Variants in MYO1H observed in about 807,000 individuals in gnomAD.
MYO1H encodes myosin IH, also known as unconventional myosin-Ih.
In MYO1H, 118 loss-of-function variants were observed where a neutral mutation model predicts 149.3. That is an observed-to-expected ratio of 0.79 (90% CI 0.68 to 0.92). The LOEUF (loss-of-function observed/expected upper bound fraction) is 0.92. Among genes scored for constraint, MYO1H ranks in the 40% least tolerant of loss-of-function variants. The probability of loss-of-function intolerance (pLI) is 0.00; values close to 1 mark genes in which losing one functional copy is unlikely to be tolerated. For synonymous variants in MYO1H, 447 were observed against 465.2 expected (o/e 0.96, Z 0.50); for missense variants, 1,212 against 1,280.7 (o/e 0.95, Z 0.82).
chr12:109,383,030 C>T lies in MYO1H; in HGVS notation c.13-5653C>T, dbSNP rs190431187. 1.6e-3 allele frequency among the ~76,000 whole-genome samples: 241 copies of T among 152,016 alleles called. 2 individuals carry two copies. The highest frequency in any genetic ancestry group is 5.5e-3 in the African/African-American group (227 of 41,502). On this transcript the variant is annotated intron_variant, in intron 1 of 31. Coordinates refer to ENST00000310903, the Ensembl canonical transcript of MYO1H. ...TGATGGTGCTTGGGCAATAAAGGCTCGGGGGCTATGCAGTGGTTTGCAAAC... is the reference window on the plus strand; with the variant it reads ...TGATGGTGCTTGGGCAATAAAGGCTTGGGGGCTATGCAGTGGTTTGCAAAC...
chr12:109,394,962 G>GT (rs1413803055), intron 3 of MYO1H, among the ~76,000 whole-genome samples: 7 of 152,212 alleles, frequency 4.6e-5, no homozygotes, highest in Non-Finnish European at 8.8e-5. Context: ...GGGTCTCAGT[G>GT]TGTTGCCCAT....
Position 109,443,667 on chromosome 12 carries a change from T to C in MYO1H, c.2824+18T>C, listed in dbSNP as rs746730327. 3 of 1,613,046 alleles carry C rather than the reference T, an allele frequency of 1.9e-6. No homozygotes were observed. In the East Asian group the frequency reaches 6.7e-5, roughly 36 times the overall value. On this transcript the variant is annotated intron_variant, in intron 28 of 31. Coordinates refer to ENST00000310903, the Ensembl canonical transcript of MYO1H. ...TCTCAAAGGTAAGAAGTGGGCAATC[T>C]TTAAAACAATGCACTGAGTTGACTC...
chr12:109,448,187 T>A (rs1242465557), exon 32 of MYO1H: 2 of 152,384 alleles, frequency 1.3e-5, no homozygotes, highest in Non-Finnish European at 2.9e-5. Context: ...GATGTTTTTG[T>A]GCCCAGCAAC....
At chr12:109,358,833 C>A (rs1592778758) in intron 1 of MYO1H, among the ~76,000 whole-genome samples, 6 of 88,150 alleles carry the variant, frequency 6.8e-5, no homozygotes, top group Admixed American at 1.5e-4. Context: ...CTGGGGGAAG[C>A]ATCCTGTGGT....
chr12:109,379,326 T>A (rs1482535589), intron 1 of MYO1H, among the ~76,000 whole-genome samples: 2 of 152,248 alleles, frequency 1.3e-5, no homozygotes, highest in African/African-American at 4.8e-5. Flanking sequence ...TGTCCATTTT[T>A]AAAAAGTTCT....
At chr12:109,418,606 T>C (rs2135570146) in intron 15 of MYO1H, among the ~76,000 whole-genome samples, 1 of 152,238 alleles carries the variant, frequency 6.6e-6, no homozygotes, top group Admixed American at 6.5e-5. Flanking sequence ...TGGAGTGCAG[T>C]GGCAAGATCT....
intron 19 of MYO1H, among the ~76,000 whole-genome samples, chr12:109,429,054 A>C (rs994408901): frequency 6.6e-6 from 1 of 152,226 alleles, no homozygotes; most frequent in Non-Finnish European, 1.5e-5. Context: ...TAAAAACACA[A>C]AAATCAGCCA....
At chr12:109,440,959 A>G in intron 25 of MYO1H, 132 bp downstream of exon 25, 1 of 685,884 alleles carries the variant, frequency 1.5e-6, no homozygotes, top group South Asian at 1.8e-5. Context: ...GAAATGTTCA[A>G]GATAATTGCA....
chr12:109,432,036 C>G (rs1307458108), intron 19 of MYO1H, among the ~76,000 whole-genome samples: 1 of 116,290 alleles, frequency 8.6e-6, no homozygotes, highest in Non-Finnish European at 1.6e-5. Flanking sequence ...GAGTCTTGCT[C>G]TGTCGCCCAG....
intron 1 of MYO1H, chr12:109,359,453 T>C (rs1318204325): frequency 1.3e-5 from 2 of 152,152 alleles, no homozygotes; most frequent in Non-Finnish European, 2.9e-5. Context: ...AGTGTCAAAG[T>C]AGGCAGGGGG....
intron 19 of MYO1H, among the ~76,000 whole-genome samples, chr12:109,429,471 T>C (rs1404763734): frequency 6.6e-6 from 1 of 152,164 alleles, no homozygotes; most frequent in Non-Finnish European, 1.5e-5. Context: ...TAAAAAGCAA[T>C]ATAGTCTAAT....
intron 1 of MYO1H, among the ~76,000 whole-genome samples, chr12:109,370,021 T>A (rs1192080605): frequency 6.6e-6 from 1 of 152,112 alleles, no homozygotes; most frequent in African/African-American, 2.4e-5. Flanking sequence ...GTGAGACTTG[T>A]TCACTGTCAT....
intron 27 of MYO1H, among the ~76,000 whole-genome samples, chr12:109,443,042 G>GTGTATACACATA (rs1555255538): frequency 2.2e-5 from 2 of 91,974 alleles, no homozygotes; most frequent in African/African-American, 1.1e-4. Context: ...GTGTGTGTGT[G>GTGTATACACATA]TGTGTATATA....
chr12:109,358,014 A>G (rs939477903), intron 1 of MYO1H, among the ~76,000 whole-genome samples: 3 of 150,488 alleles, frequency 2.0e-5, no homozygotes, highest in African/African-American at 7.4e-5. Context: ...CATGCAGAGC[A>G]GCAAAACTGT....
At chr12:109,409,209 TCTTCTC>T (rs1391247400) in intron 10 of MYO1H, among the ~76,000 whole-genome samples, 3 of 133,924 alleles carry the variant, frequency 2.2e-5, no homozygotes, top group South Asian at 4.6e-4. Flanking sequence ...TTCTCCTTCT[TCTTCTC>T]CTTCTTCTTT....
chr12:109,446,354 AAT>A, intron 31 of MYO1H: 1 of 985,434 alleles, frequency 1.0e-6, no homozygotes, highest in African/African-American at 1.7e-5. Flanking sequence ...GAGGGAGCTG[AAT>A]CTTTAAAATG....
At chr12:109,337,088 G>A in the MYO1H span, among the ~76,000 whole-genome samples, 3 of 152,158 alleles carry the variant, frequency 2.0e-5, no homozygotes, top group East Asian at 1.9e-4. Flanking sequence ...TCGTTGGAGG[G>A]AAGGAAGGAA....
chr12:109,425,957 G>A (rs758776671), exon 18 of MYO1H: 1 of 1,613,186 alleles, frequency 6.2e-7, no homozygotes, highest in Non-Finnish European at 8.5e-7. Context: ...TGGGGACTCA[G>A]TTTAAAAACA....
the MYO1H span, among the ~76,000 whole-genome samples, chr12:109,323,673 G>A: frequency 3.3e-5 from 5 of 152,222 alleles, no homozygotes; most frequent in Non-Finnish European, 7.3e-5. Flanking sequence ...AAGGTCTGCT[G>A]TTTTTGACAG....
Sources: gnomAD v4.1 joint callset for allele counts (sites outside exome capture counted in the v4.1 genomes callset) on GRCh38, gnomAD v4.1.1 for gene constraint, MANE v1.5 for transcripts, NCBI Gene and HGNC (gene_info 2026-07-23, HGNC 2026-07-21) for gene names.